The following L3MBTL4 variants were observed in gnomAD, a reference collection of about 807,000 sequenced individuals.
L3MBTL4 encodes lethal(3)malignant brain tumor-like protein 4.
L3MBTL4 carries 70 observed loss-of-function variants against 84.5 expected under a neutral mutation model. The ratio of observed to expected loss-of-function variants is 0.83; its 90% CI spans 0.68 to 1.01. The LOEUF (loss-of-function observed/expected upper bound fraction) is 1.01. Ranked by LOEUF, L3MBTL4 falls within the 50% of genes least tolerant of loss-of-function variation. L3MBTL4 has a pLI of 0.00. For synonymous variants in L3MBTL4, 274 were observed against 259.8 expected, an observed-to-expected ratio of 1.05 and a Z score of -0.52; for missense variants, 715 against 754.8, an observed-to-expected ratio of 0.95 and a Z score of 0.62.
chr18:6,257,645 C>CTTTTTTT (rs770563046), intron 5 of L3MBTL4, among the ~76,000 whole-genome samples: 4 of 127,494 alleles, frequency 3.1e-5, no homozygotes, highest in Non-Finnish European at 3.3e-5. Context: ...TTTTCTTTTT[C>CTTTTTTT]TTTTTTTTTT....
rs545136226 is a variant in L3MBTL4 at position 6,157,680 on chromosome 18, A to G, written c.1096+14148T>C. Among the ~76,000 whole-genome samples, 70 of 152,330 alleles carry G rather than the reference A, an allele frequency of 4.6e-4. 3 individuals carry two copies. Among genetic ancestry groups the G allele is most frequent in the African/African-American group, 1.6e-3 (67 of 41,586 alleles). On this transcript the variant is annotated intron_variant, in intron 13 of 18. Transcript: ENST00000317931. The stretch of plus-strand genomic sequence containing the variant: ...ATGCCTGTTTATGTTTAACTGTTAA[A>G]TAAATTAGCAATGTTCTCAAAGTCA...
intron 12 of L3MBTL4, among the ~76,000 whole-genome samples, chr18:6,177,363 C>G (rs1023350654): frequency 2.0e-5 from 3 of 152,158 alleles, no homozygotes; most frequent in African/African-American, 7.2e-5. Flanking sequence ...GAGGCAGACA[C>G]AACAGTGCAT....
chr18:6,318,087 C>T (rs186520868), intron 1 of L3MBTL4, among the ~76,000 whole-genome samples: 6 of 152,096 alleles, frequency 3.9e-5, no homozygotes, highest in Admixed American at 2.6e-4. Flanking sequence ...ACCAGCCCTA[C>T]GAGAAAGGTT....
intron 16 of L3MBTL4, among the ~76,000 whole-genome samples, chr18:5,987,345 C>T (rs143413638): frequency 4.4e-4 from 67 of 152,376 alleles, no homozygotes; most frequent in African/African-American, 1.4e-3. Flanking sequence ...TCACATTAAT[C>T]TAACACTTTT....
At chr18:6,402,234 A>G (rs982208070) in intron 1 of L3MBTL4, among the ~76,000 whole-genome samples, 1 of 152,228 alleles carries the variant, frequency 6.6e-6, no homozygotes, top group African/African-American at 2.4e-5. Context: ...CACTATTAAA[A>G]ATATTGTTTA....
intron 16 of L3MBTL4, among the ~76,000 whole-genome samples, chr18:6,074,266 T>C (rs1371032704): frequency 6.6e-6 from 1 of 152,224 alleles, no homozygotes; most frequent in Non-Finnish European, 1.5e-5. Flanking sequence ...TATGTTTACA[T>C]TCGATTAGAA....
At chr18:6,336,922 T>C (rs2052366303) in intron 1 of L3MBTL4, among the ~76,000 whole-genome samples, 1 of 152,154 alleles carries the variant, frequency 6.6e-6, no homozygotes, top group Non-Finnish European at 1.5e-5. Context: ...GAAAATTAAA[T>C]TAAATTAATG....
intron 15 of L3MBTL4, 149 bp downstream of exon 15, chr18:6,093,206 A>G: frequency 1.7e-6 from 1 of 597,138 alleles, no homozygotes; most frequent in Admixed American, 3.6e-5. Context: ...GCTTAGATGA[A>G]TTTTATCAGC....
chr18:6,088,463 G>A (rs956372205), intron 15 of L3MBTL4, among the ~76,000 whole-genome samples: 1 of 152,148 alleles, frequency 6.6e-6, no homozygotes, highest in Non-Finnish European at 1.5e-5. Context: ...TGAGCCGTGG[G>A]AAAGGGAGGA....
intron 1 of L3MBTL4, among the ~76,000 whole-genome samples, chr18:6,351,752 C>A (rs1244509181): frequency 1.3e-5 from 2 of 152,012 alleles, no homozygotes; most frequent in Non-Finnish European, 1.5e-5. Context: ...GGGGTTTCAC[C>A]ATGTTAGCCA....
chr18:5,956,927 C>G (rs2095230496), intron 18 of L3MBTL4, among the ~76,000 whole-genome samples: 1 of 151,742 alleles, frequency 6.6e-6, no homozygotes, highest in East Asian at 1.9e-4. Context: ...TTTTATAGAT[C>G]AGTAAACAAC....
intron 1 of L3MBTL4, among the ~76,000 whole-genome samples, chr18:6,376,463 GCA>G (rs1163145086): frequency 6.6e-6 from 1 of 152,170 alleles, no homozygotes; most frequent in Non-Finnish European, 1.5e-5. Flanking sequence ...CCCCAGCTGC[GCA>G]CAGTGGCTCA....
intron 16 of L3MBTL4, among the ~76,000 whole-genome samples, chr18:6,007,041 CTATGT>C (rs2054519673): frequency 6.6e-6 from 1 of 152,054 alleles, no homozygotes; most frequent in African/African-American, 2.4e-5. Flanking sequence ...AAAGATCTCT[CTATGT>C]TATTAAATCC....
At chr18:5,971,358 A>G (rs1033046525) in intron 16 of L3MBTL4, among the ~76,000 whole-genome samples, 10 of 152,188 alleles carry the variant, frequency 6.6e-5, no homozygotes, top group African/African-American at 1.4e-4. Context: ...AGGGATTAAG[A>G]CCTGGGCCAA....
intron 12 of L3MBTL4, among the ~76,000 whole-genome samples, chr18:6,185,726 G>C (rs2044694414): frequency 6.6e-6 from 1 of 152,180 alleles, no homozygotes; most frequent in African/African-American, 2.4e-5. Context: ...GCAATAAGAA[G>C]CAATAAAGAA....
intron 4 of L3MBTL4, among the ~76,000 whole-genome samples, chr18:6,271,218 G>C (rs2048852973): frequency 6.6e-6 from 1 of 152,158 alleles, no homozygotes; most frequent in Non-Finnish European, 1.5e-5. Context: ...TTTCAAAACT[G>C]CTAAGAAAGT....
chr18:6,204,759 T>C (rs1476437281), intron 12 of L3MBTL4, among the ~76,000 whole-genome samples: 1 of 152,164 alleles, frequency 6.6e-6, no homozygotes, highest in African/African-American at 2.4e-5. Flanking sequence ...TTACAGTACT[T>C]GAGGGTTTGT....
chr18:6,369,891 T>C (rs2144161584), intron 1 of L3MBTL4, among the ~76,000 whole-genome samples: 1 of 152,234 alleles, frequency 6.6e-6, no homozygotes, highest in Admixed American at 6.5e-5. Context: ...CCTAGCACTT[T>C]GGGAGGCCGA....
At position 6,171,820 on chromosome 18, in the gene L3MBTL4, G is replaced by C; in HGVS notation, c.1096+8C>G. 6.7e-7 allele frequency: 1 copy of C among 1,492,730 alleles called. No homozygotes were observed. The highest frequency in any genetic ancestry group is 9.1e-7 in the Non-Finnish European group (1 of 1,097,410). 92.5% of individuals were successfully genotyped at this position (1,492,730 alleles called of 1,614,324 possible). Reference sequence around the variant, plus strand: ...TTAAAAAGCAACAACAAAGAGCAAAGTACTCACGCTGTGGCACTTCCAGTG... The same window carrying C: ...TTAAAAAGCAACAACAAAGAGCAAACTACTCACGCTGTGGCACTTCCAGTG... On this transcript the variant is annotated splice_region_variant and intron_variant, in intron 13 of 18. Transcript: ENST00000317931.
Sources: gnomAD v4.1 joint callset for allele counts (sites outside exome capture counted in the v4.1 genomes callset) on GRCh38, gnomAD v4.1.1 for gene constraint, MANE v1.5 for transcripts, NCBI Gene and HGNC (gene_info 2026-07-23, HGNC 2026-07-21) for gene names.